Variants in PIWIL1 observed in about 807,000 individuals in gnomAD.
PIWIL1 encodes piwi like RNA-mediated gene silencing 1.
In PIWIL1, 73 loss-of-function variants were observed where a neutral mutation model predicts 114.4. The observed-to-expected ratio is 0.64, with a 90% CI of 0.53 to 0.78. The LOEUF is 0.78. Ranked by LOEUF, PIWIL1 falls within the 30% of genes least tolerant of loss-of-function variation. The probability of loss-of-function intolerance (pLI) is 0.00; values close to 1 mark genes in which losing one functional copy is unlikely to be tolerated. For synonymous variants in PIWIL1, 375 were observed against 369.0 expected, an observed-to-expected ratio of 1.02 and a Z score of -0.19; for missense variants, 723 against 1,063.1, an observed-to-expected ratio of 0.68 and a Z score of 4.45.
intron 8 of PIWIL1, 23 bp from the exon 9 acceptor site, chr12:130,349,833 G>T (rs1191568827): frequency 1.5e-6 from 2 of 1,327,530 alleles, no homozygotes; most frequent in Non-Finnish European, 2.1e-6. Context: ...ATCAAATGCA[G>T]TCAAATCTCA....
Position 130,345,945 on chromosome 12 carries a change from CTTTAG to C in PIWIL1, c.316+73_316+77del, listed in dbSNP as rs973452672. On this transcript the variant is annotated intron_variant, in intron 4 of 20. Transcript: ENST00000245255. ...GAACACAGGACAGTGAATTGAGGCA[CTTTAG>C]TTTAGGTGTTTATTTGGCCAAGGAT... is the stretch of plus-strand genomic sequence containing the variant. 41 of 1,550,282 alleles carry C rather than the reference CTTTAG, an allele frequency of 2.6e-5. No homozygotes were observed. In the Admixed American group the frequency reaches 3.6e-4, roughly 14 times the overall value.
chr12:130,399,566 G>C, the PIWIL1 span: 4 of 1,232,618 alleles, frequency 3.2e-6, no homozygotes, highest in African/African-American at 3.0e-5. Flanking sequence ...AAAAAATTCA[G>C]GGTGTATTTA....
chr12:130,411,210 G>A, the PIWIL1 span, among the ~76,000 whole-genome samples: 1 of 152,166 alleles, frequency 6.6e-6, no homozygotes, highest in African/African-American at 2.4e-5. Flanking sequence ...CATTGATGTT[G>A]CTACACTCCA....
chr12:130,424,673 C>T, the PIWIL1 span: 21 of 1,231,868 alleles, frequency 1.7e-5, no homozygotes, highest in Non-Finnish European at 2.1e-5. The surrounding 1 kb of genome is among the most constrained non-coding windows in gnomAD (Gnocchi z 9.8). Context: ...CGGGCCTGGG[C>T]TCTCTGGCCA....
chr12:130,354,714 C>G, intron 10 of PIWIL1, 51 bp downstream of exon 10: 2 of 1,534,090 alleles, frequency 1.3e-6, no homozygotes, highest in Non-Finnish European at 1.7e-6. Flanking sequence ...TTTACCCTTT[C>G]TTTCCTAGGA....
chr12:130,365,100 C>A (rs1264297471), intron 18 of PIWIL1, among the ~76,000 whole-genome samples: 1 of 152,096 alleles, frequency 6.6e-6, no homozygotes, highest in East Asian at 1.9e-4. Flanking sequence ...GCAGAGTGGA[C>A]CCTGGTGCAG....
In PIWIL1 at chr12:130,347,179, C is replaced by T. The variant is rs1400144408; in HGVS notation, c.653+117C>T. ...AGCATTGGTTGGGATTATTGAGTTTCTCTGTATTGCAGTAACTTAAGGTGT... is the reference window on the plus strand; with the variant it reads ...AGCATTGGTTGGGATTATTGAGTTTTTCTGTATTGCAGTAACTTAAGGTGT... On this transcript the variant is annotated intron_variant, in intron 6 of 20. Transcript: ENST00000245255. 1.1e-5 allele frequency: 8 copies of T among 754,512 alleles called. No homozygotes were observed. In the African/African-American group the frequency reaches 1.4e-4, roughly 13 times the overall value. The allele number at this position is 754,512 out of a possible 1,614,324, so 46.7% of individuals were successfully genotyped here.
intron 16 of PIWIL1, 42 bp from the exon 17 acceptor site, chr12:130,362,724 G>A (rs2073548221): frequency 1.3e-6 from 2 of 1,526,034 alleles, no homozygotes; most frequent in Non-Finnish European, 1.8e-6. Flanking sequence ...AAAATTGATA[G>A]ACAATTGCAT....
the PIWIL1 span, among the ~76,000 whole-genome samples, chr12:130,384,685 A>G: frequency 6.6e-6 from 1 of 152,174 alleles, no homozygotes; most frequent in Non-Finnish European, 1.5e-5. Flanking sequence ...CCATGAAAGG[A>G]CAGATACTCA....
chr12:130,346,517 AT>A lies in PIWIL1; in HGVS notation c.465del (p.Leu156Ter). The A allele has an allele frequency of 6.2e-7, 1 of 1,614,172 alleles. No individual in the cohort carries two copies. Among genetic ancestry groups the A allele is most frequent in the Non-Finnish European group, 8.5e-7 (1 of 1,179,998 alleles). Reference sequence around the variant, plus strand: ...TCAGCTCTTCTTTTTCAACACGAAGATCTAATTGGAAAGTGTCATGCTTTTG... The same window carrying A: ...TCAGCTCTTCTTTTTCAACACGAAGACTAATTGGAAAGTGTCATGCTTTTG... ...LRSALLFQHE[D>X]LIGKCHAFDG... On this transcript the variant is annotated frameshift_variant, in exon 5 of 21. Transcript: ENST00000245255. LOFTEE classifies it high-confidence loss of function.
chr12:130,399,451 A>C, the PIWIL1 span, among the ~76,000 whole-genome samples: 4 of 152,154 alleles, frequency 2.6e-5, no homozygotes, highest in Non-Finnish European at 4.4e-5. Context: ...TTGTGAGTAA[A>C]GGCAGATTGA....
intron 16 of PIWIL1, among the ~76,000 whole-genome samples, chr12:130,362,286 A>G (rs2073535783): frequency 6.6e-6 from 1 of 152,154 alleles, no homozygotes; most frequent in African/African-American, 2.4e-5. Flanking sequence ...ATGAGTTCTC[A>G]TCATTTAGCT....
In PIWIL1 at chr12:130,367,136, T is replaced by C. The variant is rs1357325755; in HGVS notation, c.2199T>C (p.Pro733=). ...TACATTCATCATCATTTTTAAGCCCTAGACTAACGGTAATTGTGGTGAAGA... is the reference window on the plus strand; with the variant it reads ...TACATTCATCATCATTTTTAAGCCCCAGACTAACGGTAATTGTGGTGAAGA... ...CLKSIGRGYN[P]RLTVIVVKKR... is the part of the protein sequence containing the mutation. The change falls in exon 19 of 21, where the codon CCT becomes CCC. Residue 733 remains proline (P), a synonymous_variant. Coordinates refer to ENST00000245255, the MANE Select transcript of PIWIL1 (RefSeq NM_004764.5). The C allele has an allele frequency of 3.1e-6, 5 of 1,613,982 alleles. No homozygotes were observed. Among genetic ancestry groups the C allele is most frequent in the Non-Finnish European group, 4.2e-6 (5 of 1,179,982 alleles).
At chr12:130,407,611 A>G in the PIWIL1 span, 1 of 856,024 alleles carries the variant, frequency 1.2e-6, no homozygotes, top group South Asian at 1.4e-5. Context: ...CTTCCTACGG[A>G]TGGTTCGGAG....
At chr12:130,386,440 ACCCCTTCCTGTCTC>A in the PIWIL1 span, among the ~76,000 whole-genome samples, 18 of 104,544 alleles carry the variant, frequency 1.7e-4, no homozygotes, top group Admixed American at 1.7e-3. Context: ...CATGCACACT[ACCCCTTCCTGTCTC>A]CATTCACCCA....
chr12:130,423,690 T>TC, the PIWIL1 span, among the ~76,000 whole-genome samples: 429 of 113,798 alleles, frequency 3.8e-3, 2 homozygotes, highest in South Asian at 5.5e-3. Context: ...ATTTCTTCAA[T>TC]CTTTTTTTTT....
At chr12:130,400,379 C>T in the PIWIL1 span, among the ~76,000 whole-genome samples, 1 of 152,342 alleles carries the variant, frequency 6.6e-6, no homozygotes, top group East Asian at 1.9e-4. Flanking sequence ...ATAACCTCCT[C>T]AGACATTACT....
chr12:130,347,121 T>C (rs1444806894), intron 6 of PIWIL1, 59 bp downstream of exon 6: 2 of 1,236,428 alleles, frequency 1.6e-6, no homozygotes, highest in South Asian at 1.3e-5. Context: ...TAATTGTACA[T>C]TGAACATCTG....
At chr12:130,407,729 G>T in the PIWIL1 span, 3 of 1,612,916 alleles carry the variant, frequency 1.9e-6, no homozygotes, top group South Asian at 2.2e-5. Context: ...CTGGTACCTC[G>T]ACATCGACGT....
Sources: gnomAD v4.1 joint callset for allele counts (sites outside exome capture counted in the v4.1 genomes callset) on GRCh38, gnomAD v4.1.1 for gene constraint, Gnocchi (gnomAD v3.1) non-coding constraint, MANE v1.5 for transcripts, NCBI Gene and HGNC (gene_info 2026-07-23, HGNC 2026-07-21) for gene names.